The following UBAC2 variants were observed in gnomAD, a reference collection of about 807,000 sequenced individuals.
The protein encoded by UBAC2 is ubiquitin-associated domain-containing protein 2.
A neutral mutation model predicts 44.0 loss-of-function variants in UBAC2; 26 were observed. The observed-to-expected ratio is 0.59, with a 90% CI of 0.43 to 0.82. The LOEUF (loss-of-function observed/expected upper bound fraction) is 0.82. Among genes scored for constraint, UBAC2 ranks in the 40% least tolerant of loss-of-function variants. The pLI is 0.00. For synonymous variants in UBAC2, 155 were observed against 154.3 expected, an observed-to-expected ratio of 1.00 and a Z score of -0.04; for missense variants, 329 against 419.4, an observed-to-expected ratio of 0.78 and a Z score of 1.88.
Position 99,348,548 on chromosome 13 carries a change from A to C in UBAC2, c.807+7983A>C, listed in dbSNP as rs182957649. Reference sequence around the variant, plus strand: ...CTATAAGAAAGAGGCAATGAAAGACATGGTTGGGAAGAGAGCAGAGGCCAG... The same window carrying C: ...CTATAAGAAAGAGGCAATGAAAGACCTGGTTGGGAAGAGAGCAGAGGCCAG... On this transcript the variant is annotated intron_variant, in intron 7 of 8. Coordinates refer to ENST00000403766, the MANE Select transcript of UBAC2 (RefSeq NM_001144072.2). Among the ~76,000 whole-genome samples the C allele has an allele frequency of 2.0e-5, 3 of 152,368 alleles. No individual in the cohort carries two copies. The East Asian group carries it at 5.8e-4, about 29-fold the overall frequency.
At chr13:99,345,738 TTTC>T (rs1418583536) in intron 7 of UBAC2, among the ~76,000 whole-genome samples, 6 of 133,148 alleles carry the variant, frequency 4.5e-5, no homozygotes, top group East Asian at 2.3e-4. Context: ...TCTTTTTTTC[TTTC>T]TTTTTTTTTT....
rs1354974493 is a variant in UBAC2, at chr13:99,381,594, G to A, written c.928-3634G>A. 2.0e-5 allele frequency among the ~76,000 whole-genome samples: 3 copies of A among 152,304 alleles called. No individual in the cohort carries two copies. The East Asian group carries it at 5.8e-4, about 29-fold the overall frequency. On this transcript the variant is annotated intron_variant, in intron 8 of 8. Transcript: ENST00000403766. ...AGGAAGGCAGGCCAGCTCCCGTTTG[G>A]CCTGAGTTATCTCCACCAATGACAA...
intron 1 of UBAC2, among the ~76,000 whole-genome samples, chr13:99,222,883 T>C (rs1210173368): frequency 1.3e-5 from 2 of 152,320 alleles, no homozygotes; most frequent in East Asian, 3.9e-4. Context: ...TTGGAAAGTG[T>C]TCTCTATTTT....
chr13:99,269,026 C>T (rs1175185255), intron 4 of UBAC2, among the ~76,000 whole-genome samples: 7 of 152,122 alleles, frequency 4.6e-5, no homozygotes, highest in Non-Finnish European at 7.4e-5. Flanking sequence ...GGACATGCTA[C>T]GGGATATAGC....
intron 1 of UBAC2, among the ~76,000 whole-genome samples, chr13:99,220,593 AT>A (rs1230450633): frequency 2.6e-5 from 4 of 152,164 alleles, no homozygotes; most frequent in African/African-American, 9.7e-5. Flanking sequence ...GGTATTTTGC[AT>A]TTTTACTTTT....
At chr13:99,232,425 C>A (rs1164419400) in intron 1 of UBAC2, among the ~76,000 whole-genome samples, 2 of 59,020 alleles carry the variant, frequency 3.4e-5, no homozygotes, top group Admixed American at 1.7e-4. Context: ...TATATATTCA[C>A]ACACACATAC....
rs754861363 is a variant in UBAC2 at position 99,314,140 on chromosome 13, A to G, written c.433A>G (p.Ile145Val). 8 of 1,613,886 alleles carry G rather than the reference A, an allele frequency of 5.0e-6. No homozygotes were observed. The highest frequency in any genetic ancestry group is 6.8e-6 in the Non-Finnish European group (8 of 1,179,942). The change falls in exon 5 of 9, where the codon ATA (isoleucine) becomes GTA (valine). Residue 145 changes from isoleucine (I) to valine (V), a missense_variant. By Grantham distance (29) the Ile-to-Val change is conservative. Transcript: ENST00000403766. ...TCTGTTTGTACCATTTTACTGCTCC[A>G]TACCAAGAGTCCAAGTGGCACAAAT... ...FALFVPFYCSIPRVQVAQILG... is the reference protein window; with the variant it reads ...FALFVPFYCSVPRVQVAQILG...
intron 1 of UBAC2, among the ~76,000 whole-genome samples, chr13:99,235,347 C>A (rs1464423658): frequency 6.6e-6 from 1 of 151,974 alleles, no homozygotes; most frequent in Non-Finnish European, 1.5e-5. Context: ...GTTAAAATGG[C>A]AATACTACCC....
intron 6 of UBAC2, among the ~76,000 whole-genome samples, chr13:99,335,513 G>A (rs1298349145): frequency 1.3e-5 from 2 of 151,800 alleles, no homozygotes; most frequent in African/African-American, 4.8e-5. Flanking sequence ...CTGTGATTCT[G>A]TAGTTACCGC....
chr13:99,316,026 A>C (rs72649515), intron 5 of UBAC2, among the ~76,000 whole-genome samples: 9 of 152,050 alleles, frequency 5.9e-5, no homozygotes, highest in Non-Finnish European at 1.3e-4. Context: ...TACACAGCTC[A>C]CCATGAGGGA....
intron 4 of UBAC2, among the ~76,000 whole-genome samples, chr13:99,297,171 AAATT>A (rs2044188609): frequency 6.6e-6 from 1 of 152,188 alleles, no homozygotes; most frequent in Admixed American, 6.5e-5. Flanking sequence ...TTTAAGTACT[AAATT>A]GAAAAATGGA....
intron 1 of UBAC2, among the ~76,000 whole-genome samples, chr13:99,228,517 C>T (rs2043137300): frequency 6.6e-6 from 1 of 152,208 alleles, no homozygotes; most frequent in South Asian, 2.1e-4. Flanking sequence ...TAGTCTCAAA[C>T]TCCTGACCTC....
At chr13:99,221,870 A>G (rs1453709677) in intron 1 of UBAC2, among the ~76,000 whole-genome samples, 1 of 152,124 alleles carries the variant, frequency 6.6e-6, no homozygotes, top group Non-Finnish European at 1.5e-5. Flanking sequence ...ACATTCCAAA[A>G]TAAAGTCCCT....
chr13:99,341,258 G>T (rs1295169648), intron 7 of UBAC2, among the ~76,000 whole-genome samples: 1 of 152,138 alleles, frequency 6.6e-6, no homozygotes, highest in Non-Finnish European at 1.5e-5. Flanking sequence ...TTACCCCTGG[G>T]GTAGTTGTAA....
At chr13:99,359,546 G>T (rs1476976476) in intron 7 of UBAC2, among the ~76,000 whole-genome samples, 1 of 152,012 alleles carries the variant, frequency 6.6e-6, no homozygotes, top group Non-Finnish European at 1.5e-5. Context: ...ATGGCCTGGG[G>T]TAAAGCTTCC....
At chr13:99,376,109 G>C (rs2045477340) in intron 8 of UBAC2, among the ~76,000 whole-genome samples, 1 of 152,070 alleles carries the variant, frequency 6.6e-6, no homozygotes, top group African/African-American at 2.4e-5. Context: ...AGAGAAACTG[G>C]TACAGATTTA....
chr13:99,227,087 A>C (rs1246688406), intron 1 of UBAC2, among the ~76,000 whole-genome samples: 1 of 151,974 alleles, frequency 6.6e-6, no homozygotes, highest in Non-Finnish European at 1.5e-5. Flanking sequence ...AATCCCAGCT[A>C]CTCGGGAGGC....
intron 6 of UBAC2, among the ~76,000 whole-genome samples, chr13:99,330,993 T>A (rs2044708926): frequency 6.6e-6 from 1 of 152,236 alleles, no homozygotes. Flanking sequence ...AAGAACCTGA[T>A]GATGGTTTTC....
At chr13:99,341,796 A>C (rs1281501013) in intron 7 of UBAC2, among the ~76,000 whole-genome samples, 2 of 152,244 alleles carry the variant, frequency 1.3e-5, no homozygotes, top group Non-Finnish European at 2.9e-5. Context: ...AGAATGATCA[A>C]GGTCAGAAAA....
Sources: gnomAD v4.1 joint callset for allele counts (sites outside exome capture counted in the v4.1 genomes callset) on GRCh38, gnomAD v4.1.1 for gene constraint, MANE v1.5 for transcripts, NCBI Gene and HGNC (gene_info 2026-07-23, HGNC 2026-07-21) for gene names.